The following FRMPD1 variants were observed in gnomAD, a reference collection of about 807,000 sequenced individuals.
FRMPD1 encodes FERM and PDZ domain containing 1.
Under a neutral mutation model 117.8 loss-of-function variants are expected in FRMPD1, and 76 were observed. That is an observed-to-expected ratio of 0.65 (90% CI 0.54 to 0.78). The LOEUF (loss-of-function observed/expected upper bound fraction) is 0.78. Among genes scored for constraint, FRMPD1 ranks in the 30% least tolerant of loss-of-function variants. FRMPD1 has a pLI of 0.00. For missense variants in FRMPD1, 1,786 were observed against 1,964.5 expected, an observed-to-expected ratio of 0.91 and a Z score of 1.72; for synonymous variants, 783 against 770.4, an observed-to-expected ratio of 1.02 and a Z score of -0.27.
intron 1 of FRMPD1, among the ~76,000 whole-genome samples, chr9:37,657,277 T>C (rs1408250013): frequency 1.3e-5 from 2 of 152,238 alleles, no homozygotes; most frequent in Non-Finnish European, 2.9e-5. Flanking sequence ...GAAACCCCTG[T>C]CTGATGCTGA....
chr9:37,698,890 C>A (rs1434752390), intron 2 of FRMPD1, among the ~76,000 whole-genome samples: 1 of 152,154 alleles, frequency 6.6e-6, no homozygotes, highest in Non-Finnish European at 1.5e-5. Flanking sequence ...AGGCATGTAC[C>A]ACCACACCCG....
intron 7 of FRMPD1, among the ~76,000 whole-genome samples, chr9:37,729,406 AAAAGAT>A (rs1823761778): frequency 1.3e-5 from 2 of 150,934 alleles, no homozygotes; most frequent in Admixed American, 6.6e-5. Flanking sequence ...AAAAAAAAAA[AAAAGAT>A]AGAGACTGGG....
In FRMPD1 at chr9:37,695,801, C is replaced by T. The variant is rs558258606; in HGVS notation, c.101+3059C>T. On this transcript the variant is annotated intron_variant, in intron 2 of 15. Transcript: ENST00000377765. ...TCCACCTCTCTCTCCCTGGGACCCC[C>T]GCAAGGATCACTCACTTGCTTTTTC... 4.6e-5 allele frequency among the ~76,000 whole-genome samples: 7 copies of T among 152,268 alleles called. No homozygotes were observed. In the East Asian group the frequency reaches 5.8e-4, roughly 13 times the overall value.
the FRMPD1 span, among the ~76,000 whole-genome samples, chr9:37,635,784 A>G: frequency 2.0e-5 from 3 of 152,244 alleles, no homozygotes; most frequent in East Asian, 5.8e-4. Flanking sequence ...CCTGGATGGA[A>G]CCCACATTCC....
chr9:37,695,280 TG>T (rs1822280359), intron 2 of FRMPD1, among the ~76,000 whole-genome samples: 1 of 152,226 alleles, frequency 6.6e-6, no homozygotes, highest in Admixed American at 6.5e-5. Context: ...ACCAGCAGTA[TG>T]TGAGAGTTTC....
At chr9:37,691,315 C>T (rs1326489635) in intron 1 of FRMPD1, among the ~76,000 whole-genome samples, 1 of 152,126 alleles carries the variant, frequency 6.6e-6, no homozygotes, top group Non-Finnish European at 1.5e-5. Context: ...TATGCTCATC[C>T]TTGCTTTCTC....
the FRMPD1 span, among the ~76,000 whole-genome samples, chr9:37,608,410 CTT>C: frequency 6.8e-6 from 1 of 146,386 alleles, no homozygotes; most frequent in Non-Finnish European, 1.5e-5. Flanking sequence ...ATCTTTCTCT[CTT>C]TCTTTCTTTC....
At chr9:37,729,568 C>T (rs972868856) in intron 7 of FRMPD1, among the ~76,000 whole-genome samples, 160 bp from the exon 8 acceptor site, 2 of 151,834 alleles carry the variant, frequency 1.3e-5, no homozygotes, top group Admixed American at 6.6e-5. Flanking sequence ...GCTGCAGGGC[C>T]GTAAGGGGCC....
In FRMPD1 at chr9:37,746,128, C is replaced by T. The variant is rs763654963; in HGVS notation, c.4096C>T (p.Leu1366Phe). 10 of 1,614,012 alleles carry T rather than the reference C, an allele frequency of 6.2e-6. No homozygotes were observed. The African/African-American group carries it at 1.2e-4, about 19-fold the overall frequency. Residue 1366 changes from leucine (L) to phenylalanine (F), a missense_variant, in exon 16 of 16, where the codon CTC (leucine) becomes TTC (phenylalanine). Leu to Phe is a conservative substitution (Grantham distance 22). Transcript: ENST00000377765. ...CTTGGAAGCACACCCCATGGCCCCC[C>T]TCACCTCACCGCCCTCTGCGGGAAG... ...RDLEAHPMAP[L>F]TSPPSAGSPV...
chr9:37,673,218 A>G (rs1156576862), intron 1 of FRMPD1, among the ~76,000 whole-genome samples: 1 of 152,232 alleles, frequency 6.6e-6, no homozygotes, highest in Non-Finnish European at 1.5e-5. Flanking sequence ...CAGCCATTCC[A>G]AATGGGAGAA....
At chr9:37,700,129 T>C (rs1450211223) in intron 2 of FRMPD1, among the ~76,000 whole-genome samples, 1 of 152,220 alleles carries the variant, frequency 6.6e-6, no homozygotes, top group African/African-American at 2.4e-5. Context: ...TTATTGTGTC[T>C]TGACCCATAG....
chr9:37,668,811 T>C (rs192521363), intron 1 of FRMPD1, among the ~76,000 whole-genome samples: 1 of 152,380 alleles, frequency 6.6e-6, no homozygotes, highest in Admixed American at 6.5e-5. Flanking sequence ...TATTATGGGT[T>C]CTTCTCAAAT....
chr9:37,690,212 C>G (rs1272006636), intron 1 of FRMPD1, among the ~76,000 whole-genome samples: 3 of 151,922 alleles, frequency 2.0e-5, no homozygotes, highest in Non-Finnish European at 4.4e-5. Flanking sequence ...GTTACTCTTC[C>G]TACAGTCTTT....
chr9:37,728,428 GA>G (rs996525906), intron 7 of FRMPD1, among the ~76,000 whole-genome samples: 7 of 152,222 alleles, frequency 4.6e-5, no homozygotes, highest in African/African-American at 1.7e-4. Context: ...CGAAGGAAGA[GA>G]AAGAAACAGA....
the FRMPD1 span, among the ~76,000 whole-genome samples, chr9:37,637,979 T>TCTTTCTTTC: frequency 6.0e-4 from 63 of 104,528 alleles, 8 homozygotes; most frequent in African/African-American, 2.1e-3. Flanking sequence ...TTTCTTTCTT[T>TCTTTCTTTC]CTTTCTTTCT....
chr9:37,711,534 A>G lies in FRMPD1; in HGVS notation c.408+139A>G, dbSNP rs113041674. The G allele has an allele frequency of 2.1e-5, 15 of 719,394 alleles. No homozygotes were observed. In the African/African-American group the frequency reaches 2.3e-4, roughly 11 times the overall value. 44.6% of individuals were successfully genotyped at this position (719,394 alleles called of 1,614,324 possible). A position where few individuals can be genotyped will look rare whatever the true frequency, so the allele number is the denominator to read the frequency against. ...GACAGCTGCCCGGCAGTGGGTGGCC[A>G]GTCAGTCCATGTTATCTGAAGACCT... On this transcript the variant is annotated intron_variant, in intron 5 of 15. Transcript: ENST00000377765.
At position 37,744,617 on chromosome 9, in the gene FRMPD1, G is replaced by A. The variant is rs1824593336; in HGVS notation, c.2585G>A (p.Ser862Asn). The stretch of plus-strand genomic sequence containing the variant: ...CTGGTGCCATCAGCCTCCCTGGAGA[G>A]TGTAGACGACGTGTGCTACTATGAC... ...FPLVPSASLESVDDVCYYDRE... is the reference protein window; with the variant it reads ...FPLVPSASLENVDDVCYYDRE... The change falls in exon 16 of 16, where the codon AGT becomes AAT. Residue 862 changes from serine to asparagine, a missense_variant. Physicochemically the swap from Ser to Asn is conservative, Grantham distance 46 (BLOSUM62 1). Coordinates refer to ENST00000377765, the MANE Select transcript of FRMPD1 (RefSeq NM_014907.3). 1 of 1,613,928 alleles carries A rather than the reference G, an allele frequency of 6.2e-7. No homozygotes were observed. The highest frequency in any genetic ancestry group is 1.3e-5 in the African/African-American group (1 of 74,926).
intron 5 of FRMPD1, among the ~76,000 whole-genome samples, chr9:37,712,570 G>C (rs1822949532): frequency 6.6e-6 from 1 of 152,160 alleles, no homozygotes; most frequent in Non-Finnish European, 1.5e-5. Context: ...TGGCCAGGCT[G>C]GTCTTGAACT....
At chr9:37,642,592 A>G in the FRMPD1 span, among the ~76,000 whole-genome samples, 1 of 152,366 alleles carries the variant, frequency 6.6e-6, no homozygotes, top group South Asian at 2.1e-4. Flanking sequence ...TTAGGTCTCA[A>G]TAAAATTTGG....
Sources: allele counts gnomAD v4.1 joint callset (sites outside exome capture counted in the v4.1 genomes callset), GRCh38; gene constraint gnomAD v4.1.1; transcripts MANE v1.5; gene names NCBI Gene and HGNC (gene_info 2026-07-23, HGNC 2026-07-21).